The following WWOX variants were observed in gnomAD, a reference collection of about 807,000 sequenced individuals.
WWOX encodes WW domain containing oxidoreductase.
WWOX carries 69 observed loss-of-function variants against 46.2 expected under a neutral mutation model. That is an observed-to-expected ratio of 1.49 (90% CI 1.23 to 1.82). The LOEUF (loss-of-function observed/expected upper bound fraction) is 1.82. Ranked by LOEUF, WWOX falls within the 40% of genes most tolerant of loss-of-function variation. The pLI is 0.00. For missense variants in WWOX, 919 were observed against 542.6 expected, an observed-to-expected ratio of 1.69 and a Z score of -6.89; for synonymous variants, 359 against 202.6, an observed-to-expected ratio of 1.77 and a Z score of -6.56.
intron 8 of WWOX, chr16:78,525,516 C>A (rs1013710284): frequency 6.6e-6 from 1 of 152,176 alleles, no homozygotes; most frequent in Non-Finnish European, 1.5e-5. Context: ...ATGGGAGATA[C>A]TTGTTTGCAG....
At chr16:78,185,092 C>T (rs2035655761) in intron 5 of WWOX, among the ~76,000 whole-genome samples, 1 of 152,140 alleles carries the variant, frequency 6.6e-6, no homozygotes, top group South Asian at 2.1e-4. Context: ...GCCATCTCTG[C>T]TCACATTCCA....
chr16:79,097,106 A>G (rs180688363), intron 8 of WWOX, among the ~76,000 whole-genome samples: 604 of 152,004 alleles, frequency 4.0e-3, no homozygotes, highest in Non-Finnish European at 7.2e-3. Context: ...ACTTGCTTCC[A>G]TCATACCCTG....
intron 8 of WWOX, among the ~76,000 whole-genome samples, chr16:78,581,632 C>T (rs969443931): frequency 4.6e-5 from 7 of 152,072 alleles, no homozygotes; most frequent in Non-Finnish European, 8.8e-5. Flanking sequence ...GTCTCTTTCC[C>T]GTGGGCCCCT....
chr16:78,436,023 T>A (rs1167655328), intron 8 of WWOX, among the ~76,000 whole-genome samples: 1 of 152,182 alleles, frequency 6.6e-6, no homozygotes, highest in East Asian at 1.9e-4. Flanking sequence ...TGTTTGTTAA[T>A]TCGAACTGAA....
intron 8 of WWOX, among the ~76,000 whole-genome samples, chr16:78,694,433 G>T (rs74476315): frequency 0.023 from 3,532 of 152,218 alleles, 131 homozygotes; most frequent in African/African-American, 0.081. Context: ...TGTCAAGGCA[G>T]AAGCAGCCTC....
At chr16:78,433,744 C>T (rs1242485883) in intron 8 of WWOX, among the ~76,000 whole-genome samples, 1 of 151,556 alleles carries the variant, frequency 6.6e-6, no homozygotes, top group Non-Finnish European at 1.5e-5. Flanking sequence ...CTCATTCCCA[C>T]CTGCCACCCT....
chr16:79,153,733 C>G (rs940317362), intron 8 of WWOX, among the ~76,000 whole-genome samples: 1 of 152,008 alleles, frequency 6.6e-6, no homozygotes, highest in Admixed American at 6.5e-5. Context: ...TGAAAGCAAC[C>G]TTTAGTATCA....
At chr16:78,903,696 G>T (rs538664581) in intron 8 of WWOX, among the ~76,000 whole-genome samples, 193 of 152,244 alleles carry the variant, frequency 1.3e-3, no homozygotes, top group African/African-American at 4.3e-3. Context: ...GAAGCACCTG[G>T]ACACTTCGCT....
chr16:78,517,673 C>G (rs1037740546), intron 8 of WWOX, among the ~76,000 whole-genome samples: 12 of 151,974 alleles, frequency 7.9e-5, no homozygotes, highest in Non-Finnish European at 2.9e-5. Flanking sequence ...GGTGGAAGCG[C>G]GAGGTGGTGA....
intron 5 of WWOX, among the ~76,000 whole-genome samples, chr16:78,220,877 T>C (rs2151797625): frequency 6.6e-6 from 1 of 152,320 alleles, no homozygotes; most frequent in East Asian, 1.9e-4. Context: ...TGGCAATTTC[T>C]TTTTGGACTC....
chr16:78,797,513 G>C (rs1366221532), intron 8 of WWOX, among the ~76,000 whole-genome samples: 2 of 152,120 alleles, frequency 1.3e-5, no homozygotes, highest in Admixed American at 6.5e-5. Flanking sequence ...GTCAAGACAA[G>C]AGTGCCAGCC....
At chr16:79,013,253 A>T (rs752613235) in intron 8 of WWOX, among the ~76,000 whole-genome samples, 1 of 152,054 alleles carries the variant, frequency 6.6e-6, no homozygotes, top group African/African-American at 2.4e-5. Context: ...GTCGAGAGTG[A>T]ATGCCTTGCC....
intron 8 of WWOX, among the ~76,000 whole-genome samples, chr16:78,539,491 T>C (rs1485797259): frequency 1.3e-5 from 2 of 152,190 alleles, no homozygotes; most frequent in African/African-American, 4.8e-5. Context: ...CGATAAAAAG[T>C]GGAGAAAGAA....
chr16:79,191,405 A>G (rs750520959), intron 8 of WWOX, among the ~76,000 whole-genome samples: 5 of 152,134 alleles, frequency 3.3e-5, no homozygotes, highest in African/African-American at 4.8e-5. Context: ...GTAAGTGGAC[A>G]TCAGGACATG....
intron 8 of WWOX, among the ~76,000 whole-genome samples, chr16:78,746,497 A>G (rs2049350102): frequency 6.6e-6 from 1 of 152,094 alleles, no homozygotes; most frequent in Non-Finnish European, 1.5e-5. Flanking sequence ...GGCCTGCTAA[A>G]GTGCATTGTA....
intron 8 of WWOX, chr16:79,203,292 G>C (rs765230147): frequency 6.6e-6 from 1 of 152,204 alleles, no homozygotes; most frequent in Admixed American, 6.5e-5. Flanking sequence ...CTTGGAACCT[G>C]AGAAATGGTC....
At chr16:78,208,837 CTAGT>C (rs976893708) in intron 5 of WWOX, among the ~76,000 whole-genome samples, 7 of 152,268 alleles carry the variant, frequency 4.6e-5, no homozygotes, top group South Asian at 4.2e-4. Context: ...GAAATAATGA[CTAGT>C]TAATTACTAT....
chr16:79,003,301 G>A (rs1002706586), intron 8 of WWOX, among the ~76,000 whole-genome samples: 5 of 152,072 alleles, frequency 3.3e-5, no homozygotes, highest in Non-Finnish European at 7.3e-5. Context: ...ATTGTCACAA[G>A]GAATGGGAGG....
chr16:78,603,984 A>G (rs2045685224), intron 8 of WWOX, among the ~76,000 whole-genome samples: 1 of 152,052 alleles, frequency 6.6e-6, no homozygotes, highest in Non-Finnish European at 1.5e-5. Context: ...ACTACAAGAC[A>G]TAGAAGAAAA....
Sources: gnomAD v4.1 joint callset for allele counts (sites outside exome capture counted in the v4.1 genomes callset) on GRCh38, gnomAD v4.1.1 for gene constraint, MANE v1.5 for transcripts, NCBI Gene and HGNC (gene_info 2026-07-23, HGNC 2026-07-21) for gene names.